Variants in CTNNA2 observed in about 807,000 individuals in gnomAD.
CTNNA2 encodes catenin alpha 2.
In CTNNA2, 42 loss-of-function variants were observed where a neutral mutation model predicts 101.0. The ratio of observed to expected loss-of-function variants is 0.42; its 90% confidence interval spans 0.32 to 0.54. CTNNA2 has a LOEUF of 0.54. Ranked by LOEUF, CTNNA2 falls within the 20% of genes least tolerant of loss-of-function variation. The pLI, the probability that CTNNA2 is intolerant of heterozygous loss-of-function variation, is 0.14. For synonymous variants in CTNNA2, 450 were observed against 456.4 expected (o/e 0.99, Z 0.18); for missense variants, 871 against 1,223.1 (o/e 0.71, Z 4.29).
intron 3 of CTNNA2, among the ~76,000 whole-genome samples, chr2:79,751,190 T>G (rs1399671048): frequency 6.6e-6 from 1 of 152,130 alleles, no homozygotes. Flanking sequence ...GGGATAAGAA[T>G]TTCAGGCTGT....
At chr2:79,539,423 T>A (rs577679743) in intron 1 of CTNNA2, among the ~76,000 whole-genome samples, 1 of 152,314 alleles carries the variant, frequency 6.6e-6, no homozygotes, top group East Asian at 1.9e-4. Context: ...TATAAAGTCA[T>A]GAAGGCTAAA....
intron 2 of CTNNA2, among the ~76,000 whole-genome samples, chr2:79,277,575 G>A (rs1031950598): frequency 6.6e-6 from 1 of 152,030 alleles, no homozygotes. Flanking sequence ...ATGTGCCTAT[G>A]TTATGCTATT....
chr2:80,088,910 G>A (rs1034828233), intron 7 of CTNNA2, among the ~76,000 whole-genome samples: 1 of 151,960 alleles, frequency 6.6e-6, no homozygotes, highest in Non-Finnish European at 1.5e-5. Flanking sequence ...AGAGGTTTCT[G>A]TGCATATGAC....
intron 8 of CTNNA2, among the ~76,000 whole-genome samples, chr2:80,417,253 CT>C (rs34053962): frequency 0.04 from 6,026 of 149,530 alleles, 295 homozygotes; most frequent in African/African-American, 0.12. Context: ...ATCTTATATA[CT>C]TTTTTTTTGG....
chr2:79,340,738 G>A (rs1004504152), intron 3 of CTNNA2, among the ~76,000 whole-genome samples: 3 of 149,826 alleles, frequency 2.0e-5, no homozygotes, highest in African/African-American at 7.4e-5. Context: ...GGAGGCTGAG[G>A]CAGGAGAATG....
At chr2:79,923,000 G>A (rs528128757) in intron 7 of CTNNA2, among the ~76,000 whole-genome samples, 2 of 152,146 alleles carry the variant, frequency 1.3e-5, no homozygotes, top group South Asian at 4.2e-4. Flanking sequence ...CTCAGAGTTA[G>A]TTAGATGGTA....
chr2:80,412,032 A>C (rs1679619174), intron 8 of CTNNA2, among the ~76,000 whole-genome samples: 1 of 152,060 alleles, frequency 6.6e-6, no homozygotes, highest in Admixed American at 6.6e-5. Context: ...TGCTGCACCC[A>C]GCAACCGTGG....
chr2:79,275,066 C>T (rs2104313084), intron 2 of CTNNA2, among the ~76,000 whole-genome samples: 1 of 152,122 alleles, frequency 6.6e-6, no homozygotes, highest in South Asian at 2.1e-4. Context: ...AAAGGGGCTC[C>T]AGTGGGACTA....
chr2:80,566,135 T>C (rs1297308132), intron 12 of CTNNA2, among the ~76,000 whole-genome samples: 1 of 152,236 alleles, frequency 6.6e-6, no homozygotes, highest in East Asian at 1.9e-4. Context: ...ATTAGTTATA[T>C]ATTTCTGTGT....
At chr2:79,389,522 A>G (rs1678143596) in intron 4 of CTNNA2, among the ~76,000 whole-genome samples, 1 of 152,226 alleles carries the variant, frequency 6.6e-6, no homozygotes, top group Non-Finnish European at 1.5e-5. Context: ...GAATCAGTAT[A>G]TGTTTTGTTA....
In CTNNA2 at chr2:80,426,532, C is replaced by T. The variant is rs139356027; in HGVS notation, c.1290+6931C>T. Among the ~76,000 whole-genome samples, 6 of 152,256 alleles carry T rather than the reference C, an allele frequency of 3.9e-5. No homozygotes were observed. In the East Asian group the frequency reaches 1.2e-3, roughly 30 times the overall value. On this transcript the variant is annotated intron_variant, in intron 9 of 18. Coordinates refer to ENST00000402739, the MANE Select transcript of CTNNA2 (RefSeq NM_001282597.3). ...TGGCCTCCCCACAGGCCTCTTTTAT[C>T]TGCCTGGCCCTCTACAGTCCCTTCT...
intron 7 of CTNNA2, chr2:80,162,960 C>T: frequency 1.3e-6 from 2 of 1,539,790 alleles, no homozygotes; most frequent in Non-Finnish European, 1.8e-6. Context: ...ATATGGCAAA[C>T]TGACATCTTG....
chr2:79,277,888 A>C (rs1443648641), intron 2 of CTNNA2, among the ~76,000 whole-genome samples: 2 of 152,046 alleles, frequency 1.3e-5, no homozygotes, highest in Non-Finnish European at 2.9e-5. Context: ...CATTTTTCAA[A>C]CTGTGCTCCA....
intron 1 of CTNNA2, chr2:79,185,590 A>G (rs1477447204): frequency 9.2e-5 from 14 of 152,208 alleles, no homozygotes; most frequent in Non-Finnish European, 4.4e-5. Flanking sequence ...TAAAATACAG[A>G]ATTAGCAAAC....
chr2:80,554,868 T>A (rs929540330), intron 11 of CTNNA2, among the ~76,000 whole-genome samples: 8 of 152,252 alleles, frequency 5.3e-5, no homozygotes, highest in Admixed American at 4.6e-4. Flanking sequence ...GAATTACAGA[T>A]CTCACACTGG....
intron 7 of CTNNA2, among the ~76,000 whole-genome samples, chr2:80,044,284 TG>T (rs1350077862): frequency 6.6e-6 from 1 of 152,190 alleles, no homozygotes; most frequent in African/African-American, 2.4e-5. Context: ...AAAAGTGTTT[TG>T]TTTTTGTTAC....
At chr2:79,300,648 T>A (rs890566236) in intron 2 of CTNNA2, among the ~76,000 whole-genome samples, 2 of 152,188 alleles carry the variant, frequency 1.3e-5, no homozygotes, top group Non-Finnish European at 2.9e-5. Flanking sequence ...AACTCCTAAA[T>A]TTCTTAAGTT....
Position 79,900,530 on chromosome 2 carries a change from C to T in CTNNA2, c.853-9064C>T, listed in dbSNP as rs181876091. On this transcript the variant is annotated intron_variant, in intron 6 of 18. Coordinates refer to ENST00000402739, the MANE Select transcript of CTNNA2 (RefSeq NM_001282597.3). ...AAACCAAAGCTAACATTTCTATAGT[C>T]ATGCTCAGTCACTGTCATATTTCAC... 2.1e-3 allele frequency among the ~76,000 whole-genome samples: 325 copies of T among 152,310 alleles called. 1 individual carries two copies. The highest frequency in any genetic ancestry group is 7.1e-3 in the African/African-American group (294 of 41,576).
chr2:80,459,859 G>A (rs1684280873), intron 9 of CTNNA2, among the ~76,000 whole-genome samples: 1 of 152,108 alleles, frequency 6.6e-6, no homozygotes, highest in African/African-American at 2.4e-5. Flanking sequence ...TTGTAGGCTT[G>A]GTGTAAGCAT....
Sources: gnomAD v4.1 joint callset for allele counts (sites outside exome capture counted in the v4.1 genomes callset) on GRCh38, gnomAD v4.1.1 for gene constraint, MANE v1.5 for transcripts, NCBI Gene and HGNC (gene_info 2026-07-23, HGNC 2026-07-21) for gene names.